Variants in CAPG observed in about 807,000 individuals in gnomAD.
The protein encoded by CAPG is capping actin protein, gelsolin like.
A neutral mutation model predicts 44.6 loss-of-function variants in CAPG; 32 were observed. The ratio of observed to expected loss-of-function variants is 0.72; its 90% CI spans 0.54 to 0.96. The LOEUF is 0.96. CAPG is among the 50% of genes least tolerant of loss of function. The probability of loss-of-function intolerance (pLI) is 0.00; values close to 1 mark genes in which losing one functional copy is unlikely to be tolerated. For synonymous variants in CAPG, 175 were observed against 179.6 expected (o/e 0.97, Z 0.20); for missense variants, 412 against 438.3 (o/e 0.94, Z 0.54).
intron 1 of CAPG, among the ~76,000 whole-genome samples, chr2:85,408,092 C>G (rs1388588200): frequency 6.6e-6 from 1 of 152,104 alleles, no homozygotes; most frequent in African/African-American, 2.4e-5. Context: ...CCTGTAATCC[C>G]AGAACTTTGG....
chr2:85,414,290 G>C (rs1028516490), upstream of CAPG, among the ~76,000 whole-genome samples: 1 of 152,196 alleles, frequency 6.6e-6, no homozygotes, highest in Non-Finnish European at 1.5e-5. Context: ...CTACTGTTCT[G>C]TGAGAGCCTA....
chr2:85,394,762 A>G lies in CAPG; in HGVS notation c.*131T>C. 1.4e-6 allele frequency: 1 copy of G among 740,532 alleles called. No homozygotes were observed. The highest frequency in any genetic ancestry group is 2.6e-5 in the East Asian group (1 of 38,604). The allele number at this position is 740,532 out of a possible 1,614,324, so 45.9% of individuals were successfully genotyped here. A position where few individuals can be genotyped will look rare whatever the true frequency, so the allele number is the denominator to read the frequency against. On this transcript the variant is annotated 3_prime_UTR_variant, in exon 10 of 10. Coordinates refer to ENST00000263867, the MANE Select transcript of CAPG (RefSeq NM_001747.4). ...AGCCCAGGGCAGGTGGTGCAGGAAA[A>G]GAGCTGGGAAAGCACTTGTCTCCTT...
At chr2:85,404,450 A>G (rs1037357396) in intron 1 of CAPG, among the ~76,000 whole-genome samples, 2 of 152,102 alleles carry the variant, frequency 1.3e-5, no homozygotes, top group African/African-American at 4.8e-5. Flanking sequence ...ACCCTACAAA[A>G]ATTTTAAAAA....
Position 85,395,452 on chromosome 2 carries a change from C to T in CAPG, c.981+86G>A. The T allele has an allele frequency of 3.7e-6, 4 of 1,082,340 alleles. No individual in the cohort carries two copies. The highest frequency in any genetic ancestry group is 5.6e-6 in the Non-Finnish European group (4 of 720,248). The allele number at this position is 1,082,340 out of a possible 1,614,324, so 67.0% of individuals were successfully genotyped here. On this transcript the variant is annotated intron_variant, in intron 9 of 9. Transcript: ENST00000263867. This position sits in a 1 kb window ranked among gnomAD's most constrained non-coding sequence, Gnocchi z 4.3. ...GTTGTTCCTGACAGTGCCCAAGGCT[C>T]TCCTGCCCTTCCTGGCCAATTTGAG... is the stretch of plus-strand genomic sequence containing the variant.
rs1686503680 is a variant in CAPG at position 85,394,790 on chromosome 2, T to C, written c.*103A>G. 2.4e-6 allele frequency: 2 copies of C among 834,632 alleles called. No individual in the cohort carries two copies. Among genetic ancestry groups the C allele is most frequent in the African/African-American group, 1.7e-5 (1 of 60,064 alleles). The allele number at this position is 834,632 out of a possible 1,614,324, so 51.7% of individuals were successfully genotyped here. A position where few individuals can be genotyped will look rare whatever the true frequency, so the allele number is the denominator to read the frequency against. On this transcript the variant is annotated 3_prime_UTR_variant, in exon 10 of 10. Transcript: ENST00000263867. ...GCTGGGAAAGCACTTGTCTCCTTTA[T>C]TGAACATCTGCAGGGGGCACCTCTG...
chr2:85,415,165 C>T (rs1687523834), upstream of CAPG, among the ~76,000 whole-genome samples: 1 of 152,218 alleles, frequency 6.6e-6, no homozygotes. Context: ...ACTCTGCTCA[C>T]TCTGCAGACT....
chr2:85,395,974 C>A lies in CAPG; in HGVS notation c.893-348G>T. On this transcript the variant is annotated intron_variant, in intron 8 of 9. Transcript: ENST00000263867. This position sits in a 1 kb window ranked among gnomAD's most constrained non-coding sequence, Gnocchi z 4.3. ...GCAGGTCTCCTTTTCCTCTAGGACC[C>A]CTCACCTCTTGAATTCATCAAGCCT... The A allele has an allele frequency of 4.1e-6, 1 of 244,754 alleles. No individual in the cohort carries two copies. The highest frequency in any genetic ancestry group is 7.8e-5 in the South Asian group (1 of 12,756). The allele number at this position is 244,754 out of a possible 1,614,324, so 15.2% of individuals were successfully genotyped here.
At chr2:85,408,243 G>A (rs1206203901) in intron 1 of CAPG, among the ~76,000 whole-genome samples, 2 of 152,026 alleles carry the variant, frequency 1.3e-5, no homozygotes, top group East Asian at 3.9e-4. Context: ...TTAGGAGGCT[G>A]AGGCAGGAGA....
At chr2:85,405,190 C>A (rs1687088075) in intron 1 of CAPG, among the ~76,000 whole-genome samples, 2 of 151,988 alleles carry the variant, frequency 1.3e-5, no homozygotes, top group Admixed American at 1.3e-4. Flanking sequence ...GGACAAAAGT[C>A]ATTCAAGGGA....
downstream of CAPG, among the ~76,000 whole-genome samples, chr2:85,393,480 T>C (rs774230638): frequency 6.6e-5 from 10 of 152,322 alleles, no homozygotes; most frequent in South Asian, 8.3e-4. Flanking sequence ...AAACCATCCC[T>C]GGCACCTGCT....
At chr2:85,399,740 CT>C (rs765588444) in intron 5 of CAPG, among the ~76,000 whole-genome samples, 27,278 of 127,304 alleles carry the variant, frequency 0.21, 2,401 homozygotes, top group African/African-American at 0.26. Context: ...CTTTCTTTTT[CT>C]TTTTTTTTTT....
intron 1 of CAPG, among the ~76,000 whole-genome samples, chr2:85,406,030 G>A (rs1414496165): frequency 2.6e-5 from 4 of 152,126 alleles, no homozygotes; most frequent in Admixed American, 6.6e-5. Flanking sequence ...GGCCGGGTGC[G>A]GTGGCTCACG....
At chr2:85,392,414 C>T (rs1398717523), downstream of CAPG, among the ~76,000 whole-genome samples, 3 of 150,698 alleles carry the variant, frequency 2.0e-5, no homozygotes, top group African/African-American at 7.3e-5. Context: ...AAAAGAGCCT[C>T]CAGGCCAGGG....
upstream of CAPG, among the ~76,000 whole-genome samples, chr2:85,410,872 T>TTG (rs1687388551): frequency 6.6e-6 from 1 of 151,540 alleles, no homozygotes; most frequent in Non-Finnish European, 1.5e-5. Context: ...TTTGTTTTTT[T>TTG]TTTTTTCCTG....
At chr2:85,418,333 C>T (rs1387378998) in exon 1 of CAPG, 1 of 152,256 alleles carries the variant, frequency 6.6e-6, no homozygotes, top group Non-Finnish European at 1.5e-5. Context: ...ACCGGGAGCC[C>T]AGCCGGAGTT....
chr2:85,401,050 CTTGGAATGGG>C, intron 5 of CAPG, 105 bp downstream of exon 5: 6 of 975,880 alleles, frequency 6.1e-6, no homozygotes, highest in Non-Finnish European at 9.3e-6. Context: ...AGTGATCTCA[CTTGGAATGGG>C]TTTACGGCTT....
At chr2:85,402,734 G>A (rs184088393) in intron 1 of CAPG, among the ~76,000 whole-genome samples, 7 of 150,884 alleles carry the variant, frequency 4.6e-5, no homozygotes, top group African/African-American at 1.2e-4. Context: ...CCAAAGTGCC[G>A]AGAGTATAGG....
chr2:85,399,235 C>A lies in CAPG; in HGVS notation c.567G>T (p.Lys189Asn). Residue 189 changes from lysine to asparagine, a missense_variant, in exon 6 of 10, where the codon AAG becomes AAT. Lys to Asn is a moderately conservative substitution (Grantham distance 94, BLOSUM62 0). Transcript: ENST00000263867. ...GGKSNILERN[K>N]ARDLALAIRD... ...GGATGGCCAGGGCCAGGTCCCTCGCCTTGTTGCGTTCCAGGATGTTGGACT... is the reference window on the plus strand; with the variant it reads ...GGATGGCCAGGGCCAGGTCCCTCGCATTGTTGCGTTCCAGGATGTTGGACT... 6.2e-7 allele frequency: 1 copy of A among 1,614,244 alleles called. No individual in the cohort carries two copies.
rs192392730 is a variant in CAPG, at chr2:85,395,034, C to A, written c.982-76G>T. ...CTCTGCCCAGGAGGACAGGAGGGGGCCAGAGCCAGGGAGGAGGGTGTGGGC... is the reference window on the plus strand; with the variant it reads ...CTCTGCCCAGGAGGACAGGAGGGGGACAGAGCCAGGGAGGAGGGTGTGGGC... On this transcript the variant is annotated intron_variant, in intron 9 of 9. Transcript: ENST00000263867. This position sits in a 1 kb window ranked among gnomAD's most constrained non-coding sequence, Gnocchi z 4.3. 4 of 1,025,226 alleles carry A rather than the reference C, an allele frequency of 3.9e-6. No individual in the cohort carries two copies. In the African/African-American group the frequency reaches 6.3e-5, roughly 16 times the overall value. 63.5% of individuals were successfully genotyped at this position (1,025,226 alleles called of 1,614,324 possible). A position where few individuals can be genotyped will look rare whatever the true frequency, so the allele number is the denominator to read the frequency against.
Sources: allele counts gnomAD v4.1 joint callset (sites outside exome capture counted in the v4.1 genomes callset), GRCh38; gene constraint gnomAD v4.1.1; non-coding constraint Gnocchi (gnomAD v3.1); transcripts MANE v1.5; gene names NCBI Gene and HGNC (gene_info 2026-07-23, HGNC 2026-07-21).